The following CHSY3 variants were observed in gnomAD, a reference collection of about 807,000 sequenced individuals.
CHSY3 encodes the protein N-acetylgalactosaminyl-proteoglycan 3-beta-glucuronosyltransferase 3.
In CHSY3, 35 loss-of-function variants were observed where a neutral mutation model predicts 67.2. The ratio of observed to expected loss-of-function variants is 0.52; its 90% confidence interval spans 0.40 to 0.69. CHSY3 has a LOEUF of 0.69. Ranked by LOEUF, CHSY3 falls within the 30% of genes least tolerant of loss-of-function variation. CHSY3 has a pLI of 0.00. For synonymous variants in CHSY3, 474 were observed against 434.7 expected (o/e 1.09, Z -1.12); for missense variants, 1,069 against 1,138.5 (o/e 0.94, Z 0.88).
intron 2 of CHSY3, among the ~76,000 whole-genome samples, chr5:130,181,998 A>G (rs902061962): frequency 2.0e-5 from 3 of 151,514 alleles, no homozygotes; most frequent in Admixed American, 2.0e-4. Flanking sequence ...GTATGTATGT[A>G]TATATATATA....
At position 129,973,868 on chromosome 5, in the gene CHSY3, A is replaced by G. The variant is rs562124363; in HGVS notation, c.1086+65508A>G. Among the ~76,000 whole-genome samples, 16 of 152,236 alleles carry G rather than the reference A, an allele frequency of 1.1e-4. No homozygotes were observed. The East Asian group carries it at 2.3e-3, about 22-fold the overall frequency. ...ACATCTGCCCCTGCTTACTTTCTCA[A>G]TAGAAATTATCCCACTGTTTATAAA... On this transcript the variant is annotated intron_variant, in intron 2 of 2. Coordinates refer to ENST00000305031, the MANE Select transcript of CHSY3 (RefSeq NM_175856.5).
At chr5:130,117,025 T>C (rs1465426601) in intron 2 of CHSY3, among the ~76,000 whole-genome samples, 1 of 152,176 alleles carries the variant, frequency 6.6e-6, no homozygotes, top group Non-Finnish European at 1.5e-5. Flanking sequence ...ATCCTAATTC[T>C]TGCAGTGTAT....
chr5:129,964,358 T>C (rs1469551732), intron 2 of CHSY3, among the ~76,000 whole-genome samples: 1 of 151,816 alleles, frequency 6.6e-6, no homozygotes, highest in Non-Finnish European at 1.5e-5. Context: ...GTTTCATCAG[T>C]TGGGCTCTAC....
intron 2 of CHSY3, among the ~76,000 whole-genome samples, chr5:130,123,712 TAAAATAA>T (rs1768133479): frequency 1.3e-5 from 2 of 151,896 alleles, no homozygotes; most frequent in South Asian, 4.1e-4. Flanking sequence ...ATCAGTGCCC[TAAAATAA>T]AAAAGAAAAA....
chr5:129,976,215 A>G (rs558133356), intron 2 of CHSY3, among the ~76,000 whole-genome samples: 136 of 152,252 alleles, frequency 8.9e-4, no homozygotes, highest in African/African-American at 3.2e-3. Context: ...TATGTGGTCA[A>G]TTAAGACCTA....
intron 2 of CHSY3, among the ~76,000 whole-genome samples, chr5:129,949,068 G>C (rs142827645): frequency 6.6e-6 from 1 of 152,210 alleles, no homozygotes; most frequent in African/African-American, 2.4e-5. Context: ...AATGATAAAA[G>C]GACTAGTCCA....
chr5:129,972,848 G>A (rs1762682951), intron 2 of CHSY3, among the ~76,000 whole-genome samples: 1 of 151,936 alleles, frequency 6.6e-6, no homozygotes. Flanking sequence ...TTAGTTTTGT[G>A]CCTTGCATCT....
At chr5:130,008,224 C>T (rs1271301573) in intron 2 of CHSY3, among the ~76,000 whole-genome samples, 1 of 152,144 alleles carries the variant, frequency 6.6e-6, no homozygotes, top group African/African-American at 2.4e-5. Flanking sequence ...CTGCCCACCC[C>T]CCATACCCCC....
At chr5:130,018,861 C>G (rs917021215) in intron 2 of CHSY3, among the ~76,000 whole-genome samples, 2 of 152,202 alleles carry the variant, frequency 1.3e-5, no homozygotes, top group African/African-American at 4.8e-5. Context: ...ATTACTGGCT[C>G]AGTTCTCGAG....
chr5:130,164,947 C>G (rs1033761382), intron 2 of CHSY3, among the ~76,000 whole-genome samples: 4 of 151,696 alleles, frequency 2.6e-5, no homozygotes, highest in African/African-American at 7.3e-5. Flanking sequence ...GGGAGAACAC[C>G]CTAAGTAGAA....
chr5:129,994,949 A>C (rs1456296805), intron 2 of CHSY3, among the ~76,000 whole-genome samples: 2 of 152,104 alleles, frequency 1.3e-5, no homozygotes, highest in Non-Finnish European at 2.9e-5. Context: ...CTAATGCTAA[A>C]TGACGAGTTA....
intron 2 of CHSY3, among the ~76,000 whole-genome samples, chr5:129,989,504 G>A (rs1763299380): frequency 6.6e-6 from 1 of 152,004 alleles, no homozygotes. Flanking sequence ...CCATTCTTGA[G>A]GGCCTCACCC....
At chr5:130,064,906 A>AG (rs1561520285) in intron 2 of CHSY3, among the ~76,000 whole-genome samples, 1 of 152,164 alleles carries the variant, frequency 6.6e-6, no homozygotes, top group Non-Finnish European at 1.5e-5. Context: ...GGAGCTGCCT[A>AG]GGGGGAATAC....
chr5:130,056,101 A>G (rs1765523990), intron 2 of CHSY3, among the ~76,000 whole-genome samples: 1 of 152,158 alleles, frequency 6.6e-6, no homozygotes, highest in Non-Finnish European at 1.5e-5. Flanking sequence ...ACATGCCTTG[A>G]AAACCTCAAA....
At chr5:130,031,824 ATATG>A (rs1561505801) in intron 2 of CHSY3, among the ~76,000 whole-genome samples, 1 of 152,170 alleles carries the variant, frequency 6.6e-6, no homozygotes, top group African/African-American at 2.4e-5. Flanking sequence ...ATTTGGGTAA[ATATG>A]TAAAAATCTA....
At chr5:129,936,116 G>T (rs775892899) in intron 2 of CHSY3, among the ~76,000 whole-genome samples, 17 of 152,148 alleles carry the variant, frequency 1.1e-4, no homozygotes, top group Non-Finnish European at 2.4e-4. Context: ...GAACTTGAAA[G>T]ACTTTATGAA....
chr5:130,164,433 G>A (rs1017449377), intron 2 of CHSY3, among the ~76,000 whole-genome samples: 1 of 152,132 alleles, frequency 6.6e-6, no homozygotes, highest in Non-Finnish European at 1.5e-5. Flanking sequence ...ACAAGGTAGA[G>A]AATTGAGATG....
In CHSY3 at chr5:129,958,404, G is replaced by A. The variant is rs568571375; in HGVS notation, c.1086+50044G>A. 4.6e-5 allele frequency among the ~76,000 whole-genome samples: 7 copies of A among 152,246 alleles called. No homozygotes were observed. In the East Asian group the frequency reaches 9.6e-4, roughly 21 times the overall value. On this transcript the variant is annotated intron_variant, in intron 2 of 2. Coordinates refer to ENST00000305031, the MANE Select transcript of CHSY3 (RefSeq NM_175856.5). ...AACTATGTGTAGGAAGGATATGAGC[G>A]TATTTAAAATTATTCCTTGCATTGG...
intron 2 of CHSY3, among the ~76,000 whole-genome samples, chr5:130,154,723 C>T (rs1187331682): frequency 2.0e-5 from 3 of 152,070 alleles, no homozygotes; most frequent in Admixed American, 6.6e-5. Context: ...CTGTGTGACT[C>T]TCAGATGAAA....
Sources: allele counts gnomAD v4.1 joint callset (sites outside exome capture counted in the v4.1 genomes callset), GRCh38; gene constraint gnomAD v4.1.1; transcripts MANE v1.5; gene names NCBI Gene and HGNC (gene_info 2026-07-23, HGNC 2026-07-21).